Variants in LARS2 observed in about 807,000 individuals in gnomAD.
LARS2 encodes leucyl-tRNA synthetase 2, mitochondrial.
LARS2 carries 81 observed loss-of-function variants against 116.6 expected under a neutral mutation model. The observed-to-expected ratio is 0.69, with a 90% CI of 0.58 to 0.84. The LOEUF (loss-of-function observed/expected upper bound fraction) is 0.84, where lower values mean the gene tolerates loss of function less well. Among genes scored for constraint, LARS2 ranks in the 40% least tolerant of loss-of-function variants. LARS2 has a pLI of 0.00. For missense variants in LARS2, 968 were observed against 1,114.5 expected (o/e 0.87, Z 1.87); for synonymous variants, 396 against 407.2 (o/e 0.97, Z 0.33).
intron 14 of LARS2, among the ~76,000 whole-genome samples, chr3:45,496,954 A>G (rs1285301843): frequency 6.6e-6 from 1 of 152,262 alleles, no homozygotes; most frequent in Admixed American, 6.5e-5. Context: ...CTTGCAGTGA[A>G]CTGCATTTGT....
chr3:45,490,582 A>G (rs116736028), intron 12 of LARS2, among the ~76,000 whole-genome samples: 1 of 152,224 alleles, frequency 6.6e-6, no homozygotes, highest in Non-Finnish European at 1.5e-5. Flanking sequence ...GTGCAGAAAG[A>G]CACTTCAGAC....
chr3:45,471,997 A>G (rs905647916), intron 8 of LARS2, among the ~76,000 whole-genome samples: 2 of 152,250 alleles, frequency 1.3e-5, no homozygotes, highest in Non-Finnish European at 2.9e-5. Flanking sequence ...TTTATAATCC[A>G]TTGATGTTAG....
intron 6 of LARS2, among the ~76,000 whole-genome samples, chr3:45,430,171 C>T (rs1698672362): frequency 6.6e-6 from 1 of 150,922 alleles, no homozygotes; most frequent in Admixed American, 6.6e-5. Flanking sequence ...GATGGGGTTT[C>T]ACTGTGTTAG....
chr3:45,408,285 A>G (rs1428541256), intron 4 of LARS2, among the ~76,000 whole-genome samples: 1 of 152,228 alleles, frequency 6.6e-6, no homozygotes, highest in African/African-American at 2.4e-5. Context: ...TGGGTGTGCC[A>G]TGGCCATGTG....
intron 14 of LARS2, 28 bp downstream of exon 14, chr3:45,496,401 G>A: frequency 6.6e-7 from 1 of 1,525,456 alleles, no homozygotes; most frequent in African/African-American, 1.4e-5. Flanking sequence ...ATGTCTTTGA[G>A]CATTTGTCAG....
intron 7 of LARS2, among the ~76,000 whole-genome samples, chr3:45,449,094 A>C (rs1179200435): frequency 6.6e-6 from 1 of 151,804 alleles, no homozygotes; most frequent in Non-Finnish European, 1.5e-5. Flanking sequence ...CTACGGTAGA[A>C]GGTGAGAGGG....
chr3:45,484,145 A>G (rs1699753442), intron 10 of LARS2: 1 of 152,048 alleles, frequency 6.6e-6, no homozygotes, highest in African/African-American at 2.4e-5. Flanking sequence ...ATTTCTAAAT[A>G]AATAAATATC....
chr3:45,417,151 A>G (rs781501349), intron 4 of LARS2, among the ~76,000 whole-genome samples: 48 of 151,514 alleles, frequency 3.2e-4, no homozygotes, highest in African/African-American at 4.6e-4. Context: ...GTGTGTGTGT[A>G]TATATATATG....
intron 14 of LARS2, 105 bp downstream of exon 14, chr3:45,496,478 T>G: frequency 3.4e-6 from 3 of 877,146 alleles, no homozygotes; most frequent in Non-Finnish European, 5.7e-6. Flanking sequence ...TGGGGGGAAA[T>G]GCCTGTGCAG....
At chr3:45,518,995 C>A (rs1700412127) in intron 18 of LARS2, among the ~76,000 whole-genome samples, 1 of 152,122 alleles carries the variant, frequency 6.6e-6, no homozygotes, top group South Asian at 2.1e-4. Context: ...GAGTTCATAC[C>A]ACATATTTTC....
intron 20 of LARS2, among the ~76,000 whole-genome samples, chr3:45,533,695 G>A (rs1700656563): frequency 6.6e-6 from 1 of 152,058 alleles, no homozygotes; most frequent in African/African-American, 2.4e-5. Flanking sequence ...GGAATACAGG[G>A]GTCAGAGGAT....
intron 13 of LARS2, 135 bp downstream of exon 13, chr3:45,491,935 G>A (rs2125733057): frequency 1.2e-6 from 1 of 848,160 alleles, no homozygotes; most frequent in Non-Finnish European, 1.8e-6. Context: ...AAAGAACACT[G>A]TGGGTCTTTG....
chr3:45,480,747 A>G (rs1004870388), intron 10 of LARS2, among the ~76,000 whole-genome samples: 10 of 152,252 alleles, frequency 6.6e-5, no homozygotes, highest in African/African-American at 2.2e-4. Flanking sequence ...CCGTGCATTC[A>G]TTGCAAATCT....
chr3:45,524,379 C>T (rs1293908932), intron 20 of LARS2, among the ~76,000 whole-genome samples: 1 of 152,158 alleles, frequency 6.6e-6, no homozygotes, highest in Non-Finnish European at 1.5e-5. Flanking sequence ...TCTCGTGACT[C>T]AGCCCCCCAG....
At position 45,541,602 on chromosome 3, in the gene LARS2, C is replaced by A; in HGVS notation, c.2405-227C>A. 5 of 532,798 alleles carry A rather than the reference C, an allele frequency of 9.4e-6. No homozygotes were observed. In the South Asian group the frequency reaches 1.4e-4, roughly 15 times the overall value. The allele number at this position is 532,798 out of a possible 1,614,324, so 33.0% of individuals were successfully genotyped here. On this transcript the variant is annotated intron_variant, in intron 20 of 21. Coordinates refer to ENST00000645846, the MANE Select transcript of LARS2 (RefSeq NM_015340.4). The stretch of plus-strand genomic sequence containing the variant: ...GCACACTTTAGAATGGCTTATCCAT[C>A]CATCTTTACAGCTCTGCGTGCCATT...
intron 10 of LARS2, 151 bp from the exon 11 acceptor site, chr3:45,485,541 T>G: frequency 1.9e-6 from 1 of 513,058 alleles, no homozygotes; most frequent in Non-Finnish European, 3.5e-6. Flanking sequence ...GTGAATTATC[T>G]ATTAATACCC....
Position 45,541,953 on chromosome 3 carries a change from T to A in LARS2, c.2529T>A (p.Val843=). 3 of 1,614,200 alleles carry A rather than the reference T, an allele frequency of 1.9e-6. No individual in the cohort carries two copies. The highest frequency in any genetic ancestry group is 2.5e-6 in the Non-Finnish European group (3 of 1,180,018). The part of the protein sequence containing the change: ...LQQPEVVQMA[V]LINNKACGKI... ...AGCCTGAGGTTGTCCAGATGGCAGT[T>A]CTGGTAAGTATCTCCCCTCAACCCC... is the stretch of plus-strand genomic sequence containing the variant. Residue 843 remains valine, a synonymous_variant, in exon 21 of 22, where the codon GTT becomes GTA. Coordinates refer to ENST00000645846, the MANE Select transcript of LARS2 (RefSeq NM_015340.4).
At chr3:45,541,250 G>A (rs374809086) in intron 20 of LARS2, among the ~76,000 whole-genome samples, 4 of 152,046 alleles carry the variant, frequency 2.6e-5, no homozygotes, top group Admixed American at 1.3e-4. Flanking sequence ...GTGTTTCCTC[G>A]TGTTTGGCCC....
chr3:45,415,860 A>AAAT (rs1553627793), intron 4 of LARS2, among the ~76,000 whole-genome samples: 5 of 92,736 alleles, frequency 5.4e-5, no homozygotes, highest in African/African-American at 2.5e-4. Flanking sequence ...AAAAAAAAAA[A>AAAT]ATATATATAT....
Sources: allele counts gnomAD v4.1 joint callset (sites outside exome capture counted in the v4.1 genomes callset), GRCh38; gene constraint gnomAD v4.1.1; transcripts MANE v1.5; gene names NCBI Gene and HGNC (gene_info 2026-07-23, HGNC 2026-07-21).